RGL1: variants seen among roughly 807,000 people sequenced by gnomAD.
RGL1 encodes ral guanine nucleotide dissociation stimulator-like 1.
A neutral mutation model predicts 95.2 loss-of-function variants in RGL1; 24 were observed. The observed-to-expected ratio is 0.25, with a 90% CI of 0.18 to 0.35. The LOEUF (loss-of-function observed/expected upper bound fraction) is 0.35. Among genes scored for constraint, RGL1 ranks in the 10% least tolerant of loss-of-function variants. The probability of loss-of-function intolerance (pLI) is 1.00; values close to 1 mark genes in which losing one functional copy is unlikely to be tolerated. For missense variants in RGL1, 715 were observed against 936.3 expected (o/e 0.76, Z 3.08); for synonymous variants, 329 against 344.9 (o/e 0.95, Z 0.51).
chr1:183,711,501 G>A (rs952115576), intron 1 of RGL1, among the ~76,000 whole-genome samples: 2 of 152,162 alleles, frequency 1.3e-5, no homozygotes, highest in African/African-American at 4.8e-5. Flanking sequence ...ACTCTAGAGA[G>A]GAGTGAAATA....
chr1:183,756,223 G>T (rs1373894093), intron 2 of RGL1, among the ~76,000 whole-genome samples: 2 of 147,876 alleles, frequency 1.4e-5, no homozygotes, highest in Non-Finnish European at 3.0e-5. Flanking sequence ...ATGGAGTCTT[G>T]CTCTGTCGTC....
rs946647798 is a variant in RGL1 at position 183,924,573 on chromosome 1, T to G, written c.2120-1532T>G. Among the ~76,000 whole-genome samples the G allele has an allele frequency of 3.3e-5, 5 of 152,028 alleles. No homozygotes were observed. The South Asian group carries it at 1.0e-3, about 32-fold the overall frequency. Reference sequence around the variant, plus strand: ...AGCCACCGTGGCACATATATACCTGTGTAACAAACCTGCACGTTCTGCACA... The same window carrying G: ...AGCCACCGTGGCACATATATACCTGGGTAACAAACCTGCACGTTCTGCACA... On this transcript the variant is annotated intron_variant, in intron 17 of 17. Transcript: ENST00000360851.
chr1:183,763,663 C>T (rs1463091292), intron 2 of RGL1, among the ~76,000 whole-genome samples: 1 of 152,144 alleles, frequency 6.6e-6, no homozygotes, highest in Non-Finnish European at 1.5e-5. Context: ...TGTGCAAATT[C>T]CTTAATCTGT....
intron 2 of RGL1, among the ~76,000 whole-genome samples, chr1:183,777,123 A>G (rs1293249218): frequency 6.6e-6 from 1 of 152,238 alleles, no homozygotes; most frequent in Non-Finnish European, 1.5e-5. Context: ...AGCAGAAGAT[A>G]TTAGCAGTGG....
intron 2 of RGL1, among the ~76,000 whole-genome samples, chr1:183,811,325 A>G (rs1298791108): frequency 1.3e-5 from 2 of 152,224 alleles, no homozygotes; most frequent in African/African-American, 4.8e-5. Context: ...GTTAAAAAGC[A>G]TTGGCTAGCA....
intron 7 of RGL1, among the ~76,000 whole-genome samples, chr1:183,888,268 A>G (rs1241218961): frequency 6.6e-6 from 1 of 152,182 alleles, no homozygotes; most frequent in Non-Finnish European, 1.5e-5. Flanking sequence ...CGAGAGAAAA[A>G]CAAGCATACT....
chr1:183,909,640 G>A (rs566699949), intron 14 of RGL1, among the ~76,000 whole-genome samples: 2 of 152,242 alleles, frequency 1.3e-5, no homozygotes, highest in Non-Finnish European at 2.9e-5. Context: ...GTAGAGATAA[G>A]GCAGAGCAAA....
intron 1 of RGL1, among the ~76,000 whole-genome samples, chr1:183,667,545 C>A (rs1457751051): frequency 6.6e-6 from 1 of 151,996 alleles, no homozygotes; most frequent in Non-Finnish European, 1.5e-5. Context: ...AGGCGTGTCT[C>A]TAACTCCCAA....
chr1:183,783,890 C>G (rs775951591), intron 2 of RGL1, among the ~76,000 whole-genome samples: 1 of 152,022 alleles, frequency 6.6e-6, no homozygotes, highest in African/African-American at 2.4e-5. Context: ...AAAGACTTTT[C>G]CAGGGTGTGG....
At chr1:183,776,440 G>A (rs1188349008) in intron 2 of RGL1, among the ~76,000 whole-genome samples, 2 of 152,112 alleles carry the variant, frequency 1.3e-5, no homozygotes, top group Non-Finnish European at 2.9e-5. Context: ...GAGCCACCGC[G>A]CCCGGCCAGA....
chr1:183,850,812 A>G (rs1664784616), intron 3 of RGL1, among the ~76,000 whole-genome samples: 1 of 152,234 alleles, frequency 6.6e-6, no homozygotes, highest in African/African-American at 2.4e-5. Context: ...GTTGGCAGGC[A>G]GTATGAATTG....
Position 183,888,532 on chromosome 1 carries a change from C to G in RGL1, c.1010C>G (p.Ser337Cys), listed in dbSNP as rs1396595485. The G allele has an allele frequency of 6.2e-7, 1 of 1,613,296 alleles. No individual in the cohort carries two copies. Among genetic ancestry groups the G allele is most frequent in the African/African-American group, 1.3e-5 (1 of 74,880 alleles). The change falls in exon 8 of 18, where the codon TCT becomes TGT. Residue 337 changes from serine to cysteine, a missense_variant. Physicochemically the swap from Ser to Cys is moderately radical, Grantham distance 112. This residue lies in a region of RGL1 where 381 missense variants were observed against 484.8 expected (regional missense o/e 0.79). Coordinates refer to ENST00000360851, the MANE Select transcript of RGL1 (RefSeq NM_001297671.3). ...SLRAIVSALQ[S>C]NSIYRLKKTW... ...AGGGCCATCGTTTCGGCACTGCAGT[C>G]TAATTCCATCTATCGGTTAAAAAAG...
Position 183,806,382 on chromosome 1 carries a change from T to C in RGL1, c.35T>C (p.Ile12Thr). The C allele has an allele frequency of 6.2e-7, 1 of 1,613,504 alleles. No homozygotes were observed. Among genetic ancestry groups the C allele is most frequent in the Non-Finnish European group, 8.5e-7 (1 of 1,179,540 alleles). ...TTATCCCGTCCCTGGCAGAGCTCGA[T>C]TCAGGACTGGGGTGAAGAGGTAGAG... ...KLLWQAKMSSIQDWGEEVEEG... is the reference protein window; with the variant it reads ...KLLWQAKMSSTQDWGEEVEEG... The change falls in exon 2 of 18, where the codon ATT becomes ACT. Residue 12 changes from isoleucine (I) to threonine (T), a missense_variant. By Grantham distance (89) the Ile-to-Thr change is moderately conservative (BLOSUM62 -1). Coordinates refer to ENST00000360851, the MANE Select transcript of RGL1 (RefSeq NM_001297671.3).
At chr1:183,783,524 A>T (rs931431060) in intron 2 of RGL1, among the ~76,000 whole-genome samples, 2 of 152,166 alleles carry the variant, frequency 1.3e-5, no homozygotes, top group African/African-American at 4.8e-5. Context: ...GCATGTGACA[A>T]TGTGAGCTTG....
At chr1:183,891,999 C>A in intron 8 of RGL1, 78 bp from the exon 9 acceptor site, 1 of 1,075,502 alleles carries the variant, frequency 9.3e-7, no homozygotes. Flanking sequence ...AGACATGAGT[C>A]CTGAGGACAG....
chr1:183,815,427 A>G (rs1662021004), intron 2 of RGL1, among the ~76,000 whole-genome samples: 1 of 152,244 alleles, frequency 6.6e-6, no homozygotes, highest in South Asian at 2.1e-4. Flanking sequence ...GATTCCTTCT[A>G]AAGACATGAC....
In RGL1 at chr1:183,922,316, A is replaced by G; in HGVS notation, c.2099A>G (p.Gln700Arg). Residue 700 changes from glutamine (Q) to arginine (R), a missense_variant, in exon 17 of 18, where the codon CAG becomes CGG. By Grantham distance (43) the Gln-to-Arg change is conservative. This residue lies in a region of RGL1 where 330 missense variants were observed against 429.6 expected (regional missense o/e 0.77). Coordinates refer to ENST00000360851, the MANE Select transcript of RGL1 (RefSeq NM_001297671.3). ...SDPAEEYELV[Q>R]VISEDKELVI... ...CCCGCCGAGGAGTACGAGCTGGTGC[A>G]GGTCATCTCGGAGGACAAAGGTGGG... The G allele has an allele frequency of 6.2e-7, 1 of 1,613,850 alleles. No homozygotes were observed. The highest frequency in any genetic ancestry group is 8.5e-7 in the Non-Finnish European group (1 of 1,179,854).
chr1:183,801,178 T>TGTGTGTGTG (rs59988701), upstream of RGL1, among the ~76,000 whole-genome samples: 1 of 151,126 alleles, frequency 6.6e-6, no homozygotes, highest in Non-Finnish European at 1.5e-5. Flanking sequence ...TGTGTGTGTG[T>TGTGTGTGTG]TTAATAATGG....
At chr1:183,704,531 C>T (rs935584262) in intron 1 of RGL1, among the ~76,000 whole-genome samples, 6 of 152,124 alleles carry the variant, frequency 3.9e-5, no homozygotes, top group Non-Finnish European at 7.4e-5. Flanking sequence ...GAGCTGCCAT[C>T]TACAAACCAA....
Sources: gnomAD v4.1 joint callset for allele counts (sites outside exome capture counted in the v4.1 genomes callset) on GRCh38, gnomAD v4.1.1 for gene constraint, gnomAD v4.1.1 regional missense constraint, MANE v1.5 for transcripts, NCBI Gene and HGNC (gene_info 2026-07-23, HGNC 2026-07-21) for gene names.